The following ATP13A4 variants were observed in gnomAD, a reference collection of about 807,000 sequenced individuals.
ATP13A4 encodes probable cation-transporting ATPase 13A4.
In ATP13A4, 114 loss-of-function variants were observed where a neutral mutation model predicts 142.5. The observed-to-expected ratio is 0.80, with a 90% CI of 0.69 to 0.93. ATP13A4 has a LOEUF of 0.93. Ranked by LOEUF, ATP13A4 falls within the 40% of genes least tolerant of loss-of-function variation. The pLI is 0.00. For missense variants in ATP13A4, 1,392 were observed against 1,454.0 expected (o/e 0.96, Z 0.69); for synonymous variants, 488 against 514.8 (o/e 0.95, Z 0.70).
chr3:193,431,348 T>C (rs1715960458), intron 25 of ATP13A4, among the ~76,000 whole-genome samples: 2 of 151,800 alleles, frequency 1.3e-5, no homozygotes, highest in South Asian at 4.2e-4. Context: ...TACCCATGGT[T>C]AGATGCAGAG....
chr3:193,423,163 T>G (rs1167631157), intron 25 of ATP13A4, among the ~76,000 whole-genome samples: 2 of 149,624 alleles, frequency 1.3e-5, no homozygotes, highest in Non-Finnish European at 3.0e-5. Flanking sequence ...GAATGAATCA[T>G]GAAGAAACAG....
chr3:193,546,289 A>T (rs1723218322), intron 1 of ATP13A4, among the ~76,000 whole-genome samples: 1 of 152,146 alleles, frequency 6.6e-6, no homozygotes, highest in African/African-American at 2.4e-5. Flanking sequence ...CAGGTCCCTC[A>T]TTCCTCATGA....
rs118168586 is a variant in ATP13A4, at chr3:193,589,771, C to T, written n.91+3250G>A. Among the ~76,000 whole-genome samples, 443 of 152,280 alleles carry T rather than the reference C, an allele frequency of 2.9e-3. 3 individuals are homozygous for T. The highest frequency in any genetic ancestry group is 0.017 in the South Asian group (81 of 4,822). On this transcript the variant is annotated intron_variant and non_coding_transcript_variant, in intron 1 of 3. Coordinates refer to the ATP13A4 transcript ENST00000489140. ...AAGCCTCCCTCCCACTCATGACCCA[C>T]TAACTTCAAGTCCTTCCTTGACTCT... is the stretch of plus-strand genomic sequence containing the variant.
In ATP13A4 at chr3:193,543,839, T is replaced by C. The variant is rs532462316; in HGVS notation, c.60+10901A>G. Among the ~76,000 whole-genome samples the C allele has an allele frequency of 2.0e-4, 31 of 152,306 alleles. No homozygotes were observed. The East Asian group carries it at 5.4e-3, about 26-fold the overall frequency. Reference sequence around the variant, plus strand: ...TACCTTTTGCATCTCATGAAAGTGATGTTGGCCATATGAGTGATAAGAAGA... The same window carrying C: ...TACCTTTTGCATCTCATGAAAGTGACGTTGGCCATATGAGTGATAAGAAGA... On this transcript the variant is annotated intron_variant, in intron 1 of 29. Coordinates refer to ENST00000342695, the MANE Select transcript of ATP13A4 (RefSeq NM_032279.4).
At chr3:193,478,944 G>T (rs1361327630) in intron 8 of ATP13A4, among the ~76,000 whole-genome samples, 1 of 152,152 alleles carries the variant, frequency 6.6e-6, no homozygotes, top group Non-Finnish European at 1.5e-5. Flanking sequence ...TTCATACCAA[G>T]AATGCAGGGA....
At chr3:193,544,329 A>C (rs933864836) in intron 1 of ATP13A4, among the ~76,000 whole-genome samples, 7 of 152,226 alleles carry the variant, frequency 4.6e-5, no homozygotes, top group African/African-American at 1.7e-4. Flanking sequence ...CTAGTGGAGA[A>C]GCAAGAAACT....
intron 17 of ATP13A4, among the ~76,000 whole-genome samples, chr3:193,452,259 C>T (rs1717322977): frequency 6.6e-6 from 1 of 152,186 alleles, no homozygotes; most frequent in Admixed American, 6.5e-5. Context: ...CCTTCCCTTC[C>T]CTGGACGCAA....
rs1576936843 is a variant in ATP13A4, at chr3:193,414,823, T to C, written c.2843-73A>G. The stretch of plus-strand genomic sequence containing the variant: ...TTCTTGATCAGAAGAATGGCATAAG[T>C]TCATTGGCCCATACATTTGAGGAAA... On this transcript the variant is annotated intron_variant, in intron 25 of 29. Coordinates refer to ENST00000342695, the MANE Select transcript of ATP13A4 (RefSeq NM_032279.4). The C allele has an allele frequency of 6.2e-6, 9 of 1,445,848 alleles. No homozygotes were observed. In the East Asian group the frequency reaches 1.9e-4, roughly 31 times the overall value. 89.6% of individuals were successfully genotyped at this position (1,445,848 alleles called of 1,614,324 possible).
chr3:193,445,286 A>G (rs1278782518), intron 18 of ATP13A4, among the ~76,000 whole-genome samples: 1 of 151,948 alleles, frequency 6.6e-6, no homozygotes, highest in Non-Finnish European at 1.5e-5. Flanking sequence ...AAATATAAAA[A>G]TTAGCCAGGC....
At chr3:193,432,623 G>A (rs1196446641) in intron 25 of ATP13A4, among the ~76,000 whole-genome samples, 1 of 151,998 alleles carries the variant, frequency 6.6e-6, no homozygotes, top group Non-Finnish European at 1.5e-5. Flanking sequence ...ATATTACTAA[G>A]TGAAGAAAAG....
intron 1 of ATP13A4, among the ~76,000 whole-genome samples, chr3:193,518,320 T>C (rs1721539648): frequency 6.6e-6 from 1 of 152,192 alleles, no homozygotes; most frequent in Non-Finnish European, 1.5e-5. Context: ...GGATGACTCT[T>C]AGTAATAGAA....
rs58979821 is a variant in ATP13A4 at position 193,412,506 on chromosome 3, AACACACACACACACACAC to A, written c.3015-153_3015-136del. The A allele has an allele frequency of 8.1e-4, 411 of 509,744 alleles. 2 individuals carry two copies. The highest frequency in any genetic ancestry group is 4.4e-4 in the Admixed American group (19 of 42,908). The allele number at this position is 509,744 out of a possible 1,614,324, so 31.6% of individuals were successfully genotyped here. ...TTCTACAATTGCCTGTGCTTTGGAA[AACACACACACACACACAC>A]ACACACACACACACACACACACACA... On this transcript the variant is annotated intron_variant, in intron 26 of 29. Transcript: ENST00000342695.
chr3:193,540,397 C>T (rs1051268270), intron 1 of ATP13A4, among the ~76,000 whole-genome samples: 4 of 151,692 alleles, frequency 2.6e-5, no homozygotes, highest in Admixed American at 2.6e-4. Context: ...CTCATGACAA[C>T]GGAGCCACTA....
At chr3:193,485,563 C>T (rs1011187318) in intron 7 of ATP13A4, among the ~76,000 whole-genome samples, 6 of 151,842 alleles carry the variant, frequency 4.0e-5, no homozygotes, top group Middle Eastern at 3.4e-3. Flanking sequence ...ATCCAATTGT[C>T]GGAAATAAAA....
chr3:193,500,133 A>G (rs1720459046), intron 3 of ATP13A4, among the ~76,000 whole-genome samples: 1 of 152,174 alleles, frequency 6.6e-6, no homozygotes, highest in Non-Finnish European at 1.5e-5. Flanking sequence ...GATGAGGTTT[A>G]TTTGCCTATT....
At chr3:193,488,926 C>T (rs1317533294) in intron 7 of ATP13A4, among the ~76,000 whole-genome samples, 1 of 152,124 alleles carries the variant, frequency 6.6e-6, no homozygotes, top group East Asian at 1.9e-4. Context: ...CTCTCAAGCA[C>T]TGGCGAAGGG....
intron 2 of ATP13A4, among the ~76,000 whole-genome samples, chr3:193,563,425 A>C (rs1432695166): frequency 6.6e-6 from 1 of 152,226 alleles, no homozygotes; most frequent in Non-Finnish European, 1.5e-5. Context: ...TTCCAATGTT[A>C]AGAAGTCCAC....
intron 1 of ATP13A4, among the ~76,000 whole-genome samples, chr3:193,586,427 T>C (rs1724671496): frequency 6.6e-6 from 1 of 152,226 alleles, no homozygotes; most frequent in Admixed American, 6.5e-5. Context: ...GCAAAGATAC[T>C]GTATTTTCTT....
At position 193,435,639 on chromosome 3, in the gene ATP13A4, A is replaced by T; in HGVS notation, c.2769+9T>A. On this transcript the variant is annotated intron_variant, in intron 24 of 29. Coordinates refer to ENST00000342695, the MANE Select transcript of ATP13A4 (RefSeq NM_032279.4). ...CACACTAACCAAGAGGCTAAGTCCC[A>T]AGTCATACCCAGTAGAGCAGCAGAA... 1 of 1,608,330 alleles carries T rather than the reference A, an allele frequency of 6.2e-7. No homozygotes were observed.
Sources: gnomAD v4.1 joint callset for allele counts (sites outside exome capture counted in the v4.1 genomes callset) on GRCh38, gnomAD v4.1.1 for gene constraint, MANE v1.5 for transcripts, NCBI Gene and HGNC (gene_info 2026-07-23, HGNC 2026-07-21) for gene names.